Variants in SLC30A8 observed in about 807,000 individuals in gnomAD.
SLC30A8 encodes proton-coupled zinc antiporter SLC30A8.
In SLC30A8, 27 loss-of-function variants were observed where a neutral mutation model predicts 36.9. The ratio of observed to expected loss-of-function variants is 0.73; its 90% CI spans 0.54 to 1.01. The LOEUF is 1.01. Among genes scored for constraint, SLC30A8 ranks in the 50% least tolerant of loss-of-function variants. The pLI is 0.00. For synonymous variants in SLC30A8, 164 were observed against 172.4 expected (o/e 0.95, Z 0.38); for missense variants, 439 against 452.0 (o/e 0.97, Z 0.26).
chr8:117,126,637 C>A (rs1160544520), intron 2 of SLC30A8, among the ~76,000 whole-genome samples: 1 of 151,932 alleles, frequency 6.6e-6, no homozygotes, highest in Non-Finnish European at 1.5e-5. Flanking sequence ...ATGCCAGATA[C>A]CGTTTATGAA....
intron 2 of SLC30A8, among the ~76,000 whole-genome samples, chr8:117,075,514 C>T (rs562105604): frequency 6.6e-6 from 1 of 152,296 alleles, no homozygotes; most frequent in Non-Finnish European, 1.5e-5. Flanking sequence ...AACTTCCTTT[C>T]CTCTTGAGAG....
chr8:116,956,915 A>C (rs1034721102), intron 1 of SLC30A8, among the ~76,000 whole-genome samples: 4 of 152,242 alleles, frequency 2.6e-5, no homozygotes, highest in African/African-American at 9.6e-5. Flanking sequence ...AAAGCATACC[A>C]AAAATGACTA....
rs2129825414 is a variant in SLC30A8, at chr8:117,176,486, A to C, written c.*3805A>C. On this transcript the variant is annotated 3_prime_UTR_variant, in exon 8 of 8. Coordinates refer to ENST00000456015, the MANE Select transcript of SLC30A8 (RefSeq NM_173851.3). ...CACCAAGCAAATGTCATCTCTGAAT[A>C]CACACATCCCAAGCTTTACAAATCC... 1 of 152,600 alleles carries C rather than the reference A, an allele frequency of 6.6e-6. No individual in the cohort carries two copies. The highest frequency in any genetic ancestry group is 2.1e-4 in the South Asian group (1 of 4,826). The allele number at this position is 152,600 out of a possible 1,614,324, so 9.5% of individuals were successfully genotyped here.
At chr8:117,091,224 C>G (rs1454237106) in intron 2 of SLC30A8, among the ~76,000 whole-genome samples, 2 of 152,160 alleles carry the variant, frequency 1.3e-5, no homozygotes, top group African/African-American at 4.8e-5. Flanking sequence ...AGCCAAGGCT[C>G]TCTTAATCTG....
chr8:116,994,278 C>G (rs974485292), intron 1 of SLC30A8, among the ~76,000 whole-genome samples: 1 of 152,048 alleles, frequency 6.6e-6, no homozygotes, highest in African/African-American at 2.4e-5. Context: ...TATGCAGGCC[C>G]TGTGACTACA....
At chr8:117,094,214 C>CCTGTTTGTGTTACAGCT (rs766561613) in intron 2 of SLC30A8, among the ~76,000 whole-genome samples, 10 of 152,208 alleles carry the variant, frequency 6.6e-5, no homozygotes, top group Non-Finnish European at 1.3e-4. Flanking sequence ...ATGTTTCAGC[C>CCTGTTTGTGTTACAGCT]CTGTTTGTGT....
intron 1 of SLC30A8, among the ~76,000 whole-genome samples, chr8:117,020,693 G>A (rs1816669029): frequency 6.6e-6 from 1 of 151,236 alleles, no homozygotes. Flanking sequence ...TATAAAGAAT[G>A]AACAGTATCT....
At chr8:117,082,574 T>C (rs1413301914) in intron 2 of SLC30A8, among the ~76,000 whole-genome samples, 1 of 152,118 alleles carries the variant, frequency 6.6e-6, no homozygotes, top group Non-Finnish European at 1.5e-5. Flanking sequence ...GGTAAGGATA[T>C]TGATCATGAT....
chr8:116,953,020 C>T (rs1322079663), intron 1 of SLC30A8, among the ~76,000 whole-genome samples: 3 of 151,046 alleles, frequency 2.0e-5, no homozygotes, highest in Non-Finnish European at 2.9e-5. Flanking sequence ...GCTTGCCTCC[C>T]TCCCTTTCTC....
intron 2 of SLC30A8, among the ~76,000 whole-genome samples, chr8:117,040,961 G>C (rs772540096): frequency 6.6e-6 from 1 of 152,074 alleles, no homozygotes; most frequent in African/African-American, 2.4e-5. Flanking sequence ...ATTTCTGTTA[G>C]GGGCTTTCTC....
intron 1 of SLC30A8, among the ~76,000 whole-genome samples, chr8:117,030,321 T>C (rs1817002431): frequency 6.6e-6 from 1 of 151,858 alleles, no homozygotes. Context: ...CATGTAAAAA[T>C]ATATGCAGTG....
chr8:116,973,695 G>A (rs1279075701), intron 1 of SLC30A8, among the ~76,000 whole-genome samples: 1 of 152,056 alleles, frequency 6.6e-6, no homozygotes, highest in Non-Finnish European at 1.5e-5. Flanking sequence ...CTACTTTAAA[G>A]TTCATATGGA....
chr8:117,172,387 T>C, intron 7 of SLC30A8, 149 bp from the exon 8 acceptor site: 1 of 937,436 alleles, frequency 1.1e-6, no homozygotes, highest in Non-Finnish European at 1.7e-6. Context: ...TGAATGTAGC[T>C]GATTATCAGA....
intron 2 of SLC30A8, among the ~76,000 whole-genome samples, chr8:117,118,311 C>G (rs1381806054): frequency 1.3e-5 from 2 of 151,884 alleles, no homozygotes; most frequent in Non-Finnish European, 2.9e-5. Flanking sequence ...TTTCTAATTT[C>G]TCTTCAACTT....
At chr8:117,159,588 T>G (rs2131005278) in intron 4 of SLC30A8, among the ~76,000 whole-genome samples, 1 of 152,340 alleles carries the variant, frequency 6.6e-6, no homozygotes, top group African/African-American at 2.4e-5. Flanking sequence ...CCAGTTAACT[T>G]GAAAATGTGT....
intron 2 of SLC30A8, among the ~76,000 whole-genome samples, chr8:117,084,683 T>C (rs115489536): frequency 0.033 from 5,006 of 152,156 alleles, 192 homozygotes; most frequent in African/African-American, 0.097. Flanking sequence ...GAACTGTCAC[T>C]CTAAGTGGGT....
At chr8:117,067,355 G>A (rs1013910712) in intron 2 of SLC30A8, among the ~76,000 whole-genome samples, 10 of 144,596 alleles carry the variant, frequency 6.9e-5, no homozygotes, top group African/African-American at 1.3e-4. Context: ...GTTCTTTTTC[G>A]TTTTTTTTTT....
At chr8:117,116,985 T>C (rs146918518) in intron 2 of SLC30A8, among the ~76,000 whole-genome samples, 3 of 152,014 alleles carry the variant, frequency 2.0e-5, no homozygotes, top group Non-Finnish European at 2.9e-5. Flanking sequence ...TTCCTACATC[T>C]TGTGGCTTCT....
At chr8:116,966,475 G>A (rs2130606028) in intron 1 of SLC30A8, among the ~76,000 whole-genome samples, 1 of 152,134 alleles carries the variant, frequency 6.6e-6, no homozygotes, top group African/African-American at 2.4e-5. Context: ...CAGGGAATGA[G>A]GCCATAATCC....
Sources: gnomAD v4.1 joint callset for allele counts (sites outside exome capture counted in the v4.1 genomes callset) on GRCh38, gnomAD v4.1.1 for gene constraint, MANE v1.5 for transcripts, NCBI Gene and HGNC (gene_info 2026-07-23, HGNC 2026-07-21) for gene names.